Variants in LAIR2 observed in about 807,000 individuals in gnomAD.
LAIR2 encodes the protein leukocyte-associated immunoglobulin-like receptor 2.
A neutral mutation model predicts 14.8 loss-of-function variants in LAIR2; 14 were observed. The observed-to-expected ratio is 0.95, with a 90% CI of 0.62 to 1.48. LAIR2 has a LOEUF of 1.48. Among genes scored for constraint, LAIR2 ranks in the 40% most tolerant of loss-of-function variants. LAIR2 has a pLI of 0.00. For synonymous variants in LAIR2, 75 were observed against 74.5 expected, an observed-to-expected ratio of 1.01 and a Z score of -0.03; for missense variants, 172 against 180.9, an observed-to-expected ratio of 0.95 and a Z score of 0.28.
intron 4 of LAIR2, among the ~76,000 whole-genome samples, chr19:54,510,296 A>T (rs146710477): frequency 0.042 from 6,323 of 150,230 alleles, 141 homozygotes; most frequent in Middle Eastern, 0.062. Flanking sequence ...TCATGGTTCA[A>T]ATCCCGGTGG....
chr19:54,505,917 G>A (rs1307883822), intron 2 of LAIR2, among the ~76,000 whole-genome samples: 1 of 151,360 alleles, frequency 6.6e-6, no homozygotes, highest in Non-Finnish European at 1.5e-5. Flanking sequence ...TGCCTCCCTG[G>A]TTGAAGCAAT....
intron 1 of LAIR2, among the ~76,000 whole-genome samples, chr19:54,503,479 G>T (rs1358994637): frequency 6.6e-6 from 1 of 151,890 alleles, no homozygotes; most frequent in Non-Finnish European, 1.5e-5. Context: ...AAAAAGAAGG[G>T]CTGGGGGAGC....
chr19:54,508,270 T>C, intron 3 of LAIR2, 86 bp downstream of exon 3: 4 of 1,379,198 alleles, frequency 2.9e-6, no homozygotes, highest in Non-Finnish European at 4.0e-6. Flanking sequence ...CCGGCTGCTG[T>C]CCTCTCTCTG....
chr19:54,506,573 C>T (rs2085367970), intron 2 of LAIR2, among the ~76,000 whole-genome samples: 1 of 152,190 alleles, frequency 6.6e-6, no homozygotes, highest in South Asian at 2.1e-4. Context: ...TCCCTGCACA[C>T]TTACCCACAG....
intron 2 of LAIR2, 31 bp downstream of exon 2, chr19:54,503,766 T>A (rs1184020793): frequency 1.9e-6 from 3 of 1,613,784 alleles, no homozygotes; most frequent in Non-Finnish European, 2.5e-6. Context: ...GTCTTCCCAG[T>A]CCCCTCTGTC....
chr19:54,504,730 C>T (rs952090089), intron 2 of LAIR2, among the ~76,000 whole-genome samples: 3 of 152,150 alleles, frequency 2.0e-5, no homozygotes, highest in African/African-American at 7.2e-5. Context: ...CTGCCTCAGC[C>T]TCTCGAGTAG....
intron 3 of LAIR2, among the ~76,000 whole-genome samples, chr19:54,508,639 G>C (rs1331313788): frequency 6.6e-6 from 1 of 152,250 alleles, no homozygotes; most frequent in East Asian, 1.9e-4. Flanking sequence ...ACAGGGTCCA[G>C]GGATGGCCCC....
intron 2 of LAIR2, among the ~76,000 whole-genome samples, chr19:54,505,216 A>G (rs116921443): frequency 0.053 from 8,128 of 152,042 alleles, 234 homozygotes; most frequent in Admixed American, 0.08. Flanking sequence ...AACCCAACAC[A>G]ACCAAGGCTG....
At chr19:54,506,765 G>T (rs1326443281) in intron 2 of LAIR2, among the ~76,000 whole-genome samples, 1 of 152,216 alleles carries the variant, frequency 6.6e-6, no homozygotes, top group Non-Finnish European at 1.5e-5. Context: ...ATGGTTAAAA[G>T]AAAGAAAAAT....
rs370189893 is a variant in LAIR2 at position 54,502,865 on chromosome 19, C to G, written c.-54C>G. ...GGAAGCCCCACGGGCAGGAGGCCCC[C>G]GGCCAGCACATCCTGTCTGCTTGTG... is the stretch of plus-strand genomic sequence containing the variant. On this transcript the variant is annotated 5_prime_UTR_variant, in exon 1 of 5. Transcript: ENST00000301202. The G allele has an allele frequency of 1.2e-6, 2 of 1,611,742 alleles. No homozygotes were observed. Among genetic ancestry groups the G allele is most frequent in the Non-Finnish European group, 1.7e-6 (2 of 1,177,932 alleles).
At chr19:54,508,300 C>T in intron 3 of LAIR2, 116 bp downstream of exon 3, 1 of 1,021,472 alleles carries the variant, frequency 9.8e-7, no homozygotes, top group Non-Finnish European at 1.4e-6. Flanking sequence ...TTGCCCTCTT[C>T]CTGACCCCAA....
At chr19:54,506,817 G>T (rs570561886) in intron 2 of LAIR2, among the ~76,000 whole-genome samples, 1 of 152,314 alleles carries the variant, frequency 6.6e-6, no homozygotes, top group East Asian at 1.9e-4. Context: ...TCAAAGGATA[G>T]AAAATTTCGT....
intron 2 of LAIR2, 82 bp downstream of exon 2, chr19:54,503,817 A>G (rs2123386345): frequency 6.3e-7 from 1 of 1,584,316 alleles, no homozygotes; most frequent in Non-Finnish European, 8.7e-7. Flanking sequence ...GTTGATTCTT[A>G]GAGGGCCTGG....
chr19:54,508,469 G>A (rs1457183559), intron 3 of LAIR2, among the ~76,000 whole-genome samples: 1 of 152,214 alleles, frequency 6.6e-6, no homozygotes, highest in Admixed American at 6.5e-5. Context: ...GCTGGGTGGG[G>A]AGTGGGTTCC....
At chr19:54,504,939 G>C (rs2085338335) in intron 2 of LAIR2, among the ~76,000 whole-genome samples, 1 of 152,120 alleles carries the variant, frequency 6.6e-6, no homozygotes. Context: ...TCCACATGCG[G>C]TATTTGTCTT....
At chr19:54,505,848 T>C (rs2085355870) in intron 2 of LAIR2, among the ~76,000 whole-genome samples, 2 of 149,460 alleles carry the variant, frequency 1.3e-5, no homozygotes, top group South Asian at 2.1e-4. Flanking sequence ...TGAGATGGTG[T>C]TTCATTCTTG....
intron 2 of LAIR2, 39 bp downstream of exon 2, chr19:54,503,774 G>C: frequency 6.2e-7 from 1 of 1,613,956 alleles, no homozygotes; most frequent in South Asian, 1.1e-5. Flanking sequence ...AGTCCCCTCT[G>C]TCACCCCAAA....
chr19:54,506,163 C>T (rs1325903173), intron 2 of LAIR2, among the ~76,000 whole-genome samples: 1 of 151,982 alleles, frequency 6.6e-6, no homozygotes, highest in Non-Finnish European at 1.5e-5. Flanking sequence ...TAAAATTGAC[C>T]GATGAAAATT....
chr19:54,507,774 G>A (rs2277975), intron 2 of LAIR2, 117 bp from the exon 3 acceptor site: 105,596 of 962,334 alleles, frequency 0.11, 6,338 homozygotes, highest in Non-Finnish European at 0.13. Flanking sequence ...GGCTGTGGTC[G>A]TGGCTGCATA....
Sources: gnomAD v4.1 joint callset for allele counts (sites outside exome capture counted in the v4.1 genomes callset) on GRCh38, gnomAD v4.1.1 for gene constraint, MANE v1.5 for transcripts, NCBI Gene and HGNC (gene_info 2026-07-23, HGNC 2026-07-21) for gene names.